The following PRKG1 variants were observed in gnomAD, a reference collection of about 807,000 sequenced individuals.
PRKG1 encodes cGMP-dependent protein kinase 1.
A neutral mutation model predicts 88.1 loss-of-function variants in PRKG1; 35 were observed. The ratio of observed to expected loss-of-function variants is 0.40; its 90% CI spans 0.30 to 0.53. The LOEUF (loss-of-function observed/expected upper bound fraction) is 0.53. Among genes scored for constraint, PRKG1 ranks in the 20% least tolerant of loss-of-function variants. The pLI is 0.59. For missense variants in PRKG1, 540 were observed against 839.8 expected (o/e 0.64, Z 4.41); for synonymous variants, 303 against 292.5 (o/e 1.04, Z -0.37).
chr10:51,459,608 T>G (rs10823039), intron 2 of PRKG1, among the ~76,000 whole-genome samples: 1 of 152,086 alleles, frequency 6.6e-6, no homozygotes, highest in Non-Finnish European at 1.5e-5. Flanking sequence ...CCCTAGGAAA[T>G]AAGATACTAT....
At chr10:51,472,307 T>C (rs1412096756) in intron 3 of PRKG1, among the ~76,000 whole-genome samples, 1 of 151,934 alleles carries the variant, frequency 6.6e-6, no homozygotes, top group Non-Finnish European at 1.5e-5. Context: ...GTTTTAAGCA[T>C]TACATTATTC....
At chr10:51,365,847 C>T (rs1842576950) in intron 2 of PRKG1, among the ~76,000 whole-genome samples, 1 of 151,754 alleles carries the variant, frequency 6.6e-6, no homozygotes, top group East Asian at 1.9e-4. Context: ...AAACTTATCC[C>T]CAAGTAATCT....
intron 7 of PRKG1, among the ~76,000 whole-genome samples, chr10:52,098,617 T>C (rs1355017540): frequency 6.6e-6 from 1 of 152,144 alleles, no homozygotes; most frequent in East Asian, 1.9e-4. Context: ...TCGAGATAGA[T>C]GTGTAAATAG....
intron 2 of PRKG1, among the ~76,000 whole-genome samples, chr10:51,232,510 C>T (rs191468031): frequency 6.6e-6 from 1 of 152,024 alleles, no homozygotes; most frequent in East Asian, 1.9e-4. Flanking sequence ...ATTTCTCAAG[C>T]CCTATAACAA....
intron 7 of PRKG1, among the ~76,000 whole-genome samples, chr10:52,118,267 C>A (rs954542963): frequency 1.3e-5 from 2 of 151,990 alleles, no homozygotes; most frequent in Middle Eastern, 3.4e-3. Context: ...CTGTTCATGT[C>A]TTTTTCTTAC....
At position 52,031,328 on chromosome 10, in the gene PRKG1, G is replaced by A. The variant is rs1468851739; in HGVS notation, c.763-23156G>A. Among the ~76,000 whole-genome samples, 3 of 152,148 alleles carry A rather than the reference G, an allele frequency of 2.0e-5. No homozygotes were observed. The East Asian group carries it at 5.8e-4, about 29-fold the overall frequency. ...ATAATATAATTCACATATGTACTTT[G>A]CATTTTGGTTGCCATAATAAGTCTT... On this transcript the variant is annotated intron_variant, in intron 5 of 17. Transcript: ENST00000373980.
upstream of PRKG1, among the ~76,000 whole-genome samples, chr10:51,071,876 G>A (rs563921209): frequency 3.3e-5 from 5 of 152,162 alleles, no homozygotes; most frequent in Non-Finnish European, 7.4e-5. Flanking sequence ...AATGAAAAAC[G>A]TATTTAAAAT....
chr10:51,525,783 T>C (rs1841868140), intron 3 of PRKG1, among the ~76,000 whole-genome samples: 1 of 151,630 alleles, frequency 6.6e-6, no homozygotes, highest in African/African-American at 2.4e-5. Flanking sequence ...CCAACCTTAA[T>C]GTTTAAAAAT....
chr10:51,590,117 G>T (rs1397887948), intron 3 of PRKG1, among the ~76,000 whole-genome samples: 2 of 152,148 alleles, frequency 1.3e-5, no homozygotes, highest in African/African-American at 2.4e-5. Context: ...TCTCTTCAAT[G>T]ATGGTCAGAC....
intron 3 of PRKG1, among the ~76,000 whole-genome samples, chr10:51,533,887 C>A (rs12356489): frequency 0.041 from 6,285 of 152,208 alleles, 274 homozygotes; most frequent in Admixed American, 0.13. Flanking sequence ...ACAAGAATTG[C>A]CAATTTTATC....
At chr10:51,839,474 C>T (rs183663530) in intron 4 of PRKG1, among the ~76,000 whole-genome samples, 1 of 152,182 alleles carries the variant, frequency 6.6e-6, no homozygotes, top group East Asian at 1.9e-4. Flanking sequence ...AAGAAAGTGG[C>T]TGAAAAGGAA....
chr10:51,196,602 T>G (rs536764059), intron 2 of PRKG1, among the ~76,000 whole-genome samples: 4 of 152,164 alleles, frequency 2.6e-5, no homozygotes, highest in African/African-American at 9.7e-5. Flanking sequence ...GAAAATGCCT[T>G]AAGTTTGATA....
chr10:52,175,941 A>T (rs1838852831), intron 9 of PRKG1, among the ~76,000 whole-genome samples: 1 of 151,874 alleles, frequency 6.6e-6, no homozygotes. Flanking sequence ...TCCTTCTTTA[A>T]GTTATCTTTT....
intron 1 of PRKG1, among the ~76,000 whole-genome samples, chr10:51,038,019 G>A (rs1843374890): frequency 6.6e-6 from 1 of 152,154 alleles, no homozygotes; most frequent in South Asian, 2.1e-4. Flanking sequence ...ATTACTAAAT[G>A]TCAGGCCAGA....
At chr10:52,033,436 C>T (rs759358913) in intron 5 of PRKG1, among the ~76,000 whole-genome samples, 12 of 152,172 alleles carry the variant, frequency 7.9e-5, no homozygotes, top group Non-Finnish European at 1.3e-4. Flanking sequence ...GTTGCTCCTG[C>T]GTGTTTTCTC....
At chr10:52,143,404 C>G (rs1425666425) in intron 8 of PRKG1, among the ~76,000 whole-genome samples, 1 of 152,154 alleles carries the variant, frequency 6.6e-6, no homozygotes, top group Non-Finnish European at 1.5e-5. Context: ...AGTAGTATCC[C>G]TCACCTCTCC....
rs189615988 is a variant in PRKG1 at position 52,135,319 on chromosome 10, G to A, written c.1001+1414G>A. 1.6e-4 allele frequency among the ~76,000 whole-genome samples: 25 copies of A among 152,230 alleles called. No individual in the cohort carries two copies. In the East Asian group the frequency reaches 4.6e-3, roughly 28 times the overall value. On this transcript the variant is annotated intron_variant, in intron 8 of 17. Coordinates refer to ENST00000373980, the MANE Select transcript of PRKG1 (RefSeq NM_006258.4). The stretch of plus-strand genomic sequence containing the variant: ...AAAGTGAGACTGTGTAAAGGTAGTT[G>A]GTGGAGGTGCTGTAACAAGTTCACA...
intron 2 of PRKG1, among the ~76,000 whole-genome samples, chr10:51,303,735 A>G (rs1840955214): frequency 6.6e-6 from 1 of 152,078 alleles, no homozygotes; most frequent in Admixed American, 6.6e-5. Context: ...AATAAAACAT[A>G]TCTTTAGAAT....
chr10:51,213,687 A>G (rs1838294857), intron 2 of PRKG1, among the ~76,000 whole-genome samples: 1 of 152,190 alleles, frequency 6.6e-6, no homozygotes, highest in Non-Finnish European at 1.5e-5. Flanking sequence ...ATTTTCCTAA[A>G]GATAATATAA....
Sources: allele counts gnomAD v4.1 joint callset (sites outside exome capture counted in the v4.1 genomes callset), GRCh38; gene constraint gnomAD v4.1.1; transcripts MANE v1.5; gene names NCBI Gene and HGNC (gene_info 2026-07-23, HGNC 2026-07-21).